The following PCDHGB2 variants were observed in gnomAD, a reference collection of about 807,000 sequenced individuals.
PCDHGB2 encodes protocadherin gamma-B2.
PCDHGB2 carries 55 observed loss-of-function variants against 59.3 expected under a neutral mutation model. The ratio of observed to expected loss-of-function variants is 0.93; its 90% CI spans 0.75 to 1.16. The LOEUF is 1.16. Among genes scored for constraint, PCDHGB2 ranks in the 50% most tolerant of loss-of-function variants. The probability of loss-of-function intolerance (pLI) is 0.00; values close to 1 mark genes in which losing one functional copy is unlikely to be tolerated. For missense variants in PCDHGB2, 1,228 were observed against 1,198.5 expected (o/e 1.02, Z -0.36); for synonymous variants, 516 against 512.0 (o/e 1.01, Z -0.11).
intron 3 of PCDHGB2, among the ~76,000 whole-genome samples, chr5:141,509,262 ACT>A (rs761383166): frequency 9.2e-5 from 14 of 151,714 alleles, no homozygotes; most frequent in Non-Finnish European, 1.9e-4. Flanking sequence ...GGCTTTAGTC[ACT>A]CTCGCTACCC....
chr5:141,383,316 T>C (rs1779018146), intron 1 of PCDHGB2: 3 of 1,613,880 alleles, frequency 1.9e-6, no homozygotes, highest in Non-Finnish European at 1.7e-6. Context: ...AAGAAATAAA[T>C]GTAAAAATAA....
chr5:141,478,396 G>T (rs150499152), intron 1 of PCDHGB2: 2 of 1,613,446 alleles, frequency 1.2e-6, no homozygotes, highest in African/African-American at 2.7e-5. Flanking sequence ...ACCATCAGGT[G>T]TATCTCACCA....
chr5:141,394,592 G>C (rs754585576), intron 1 of PCDHGB2: 84 of 1,613,642 alleles, frequency 5.2e-5, no homozygotes, highest in South Asian at 3.7e-4. Context: ...AGGTGGTGGC[G>C]GTGGACAGAG....
Position 141,493,689 on chromosome 5 carries a change from C to A in PCDHGB2, c.2422-1118C>A, listed in dbSNP as rs2099749557. The stretch of plus-strand genomic sequence containing the variant: ...GGCAGCCCCAGAATGGTGCTGGTGA[C>A]TCCCGATACACCTGGAATGCTAGGT... On this transcript the variant is annotated intron_variant, in intron 1 of 3. Transcript: ENST00000522605. The surrounding 1 kb of genome is among the most constrained non-coding windows in gnomAD (Gnocchi z 4.3). Among the ~76,000 whole-genome samples the A allele has an allele frequency of 6.6e-6, 1 of 152,218 alleles. No homozygotes were observed. The highest frequency in any genetic ancestry group is 2.4e-5 in the African/African-American group (1 of 41,450).
chr5:141,409,442 C>T, intron 1 of PCDHGB2: 2 of 1,613,998 alleles, frequency 1.2e-6, no homozygotes, highest in Non-Finnish European at 1.7e-6. Flanking sequence ...GGACCGAGAG[C>T]AGACACCAGA....
At position 141,408,301 on chromosome 5, in the gene PCDHGB2, C is replaced by T. The variant is rs1472435921; in HGVS notation, c.2421+45745C>T. 3.1e-6 allele frequency: 5 copies of T among 1,613,756 alleles called. No individual in the cohort carries two copies. In the Admixed American group the frequency reaches 8.3e-5, roughly 27 times the overall value. ...TCTACCCCACCCTGAGTGAGCCGAT[C>T]CGCTACTCGATTCCGGAGGAGCTGG... On this transcript the variant is annotated intron_variant, in intron 1 of 3. Transcript: ENST00000522605.
At chr5:141,395,179 A>G in intron 1 of PCDHGB2, 1 of 1,614,164 alleles carries the variant, frequency 6.2e-7, no homozygotes, top group Non-Finnish European at 8.5e-7. Flanking sequence ...GAGAAAAATG[A>G]TTCTTTGTTA....
chr5:141,487,013 C>T lies in PCDHGB2; in HGVS notation c.2422-7794C>T. ...GGTTTCCTATCAGCTCCTGGAGGCC[C>T]CAGATCCCAGCCTGTTTGCAGTCTC... On this transcript the variant is annotated intron_variant, in intron 1 of 3. Coordinates refer to ENST00000522605, the MANE Select transcript of PCDHGB2 (RefSeq NM_018923.3). The surrounding 1 kb of genome is among the most constrained non-coding windows in gnomAD (Gnocchi z 5.0). The T allele has an allele frequency of 1.2e-6, 2 of 1,614,220 alleles. No individual in the cohort carries two copies. Among genetic ancestry groups the T allele is most frequent in the Non-Finnish European group, 1.7e-6 (2 of 1,180,040 alleles).
chr5:141,457,416 C>T (rs1378171092), intron 1 of PCDHGB2, among the ~76,000 whole-genome samples: 1 of 152,172 alleles, frequency 6.6e-6, no homozygotes, highest in Non-Finnish European at 1.5e-5. Flanking sequence ...ATTACCCATC[C>T]CTTTTTCCCC....
chr5:141,423,210 C>A (rs954945082), intron 1 of PCDHGB2: 2 of 1,613,578 alleles, frequency 1.2e-6, no homozygotes, highest in East Asian at 4.5e-5. Flanking sequence ...CCGTCACGCT[C>A]ACCGTGGCTG....
chr5:141,371,646 T>C, intron 1 of PCDHGB2: 3 of 1,614,026 alleles, frequency 1.9e-6, no homozygotes, highest in Non-Finnish European at 2.5e-6. Flanking sequence ...GATCCCAGAA[T>C]ACAATGTGAC....
Position 141,361,582 on chromosome 5 carries a change from C to T in PCDHGB2, c.1447C>T (p.Pro483Ser), listed in dbSNP as rs746722919. 3.1e-6 allele frequency: 5 copies of T among 1,614,022 alleles called. No homozygotes were observed. The highest frequency in any genetic ancestry group is 8.5e-7 in the Non-Finnish European group (1 of 1,179,898). The change falls in exon 1 of 4, where the codon CCC becomes TCC. Residue 483 changes from proline to serine, a missense_variant. Transcript: ENST00000522605. ...CAGTGCCTCTGACCCTGACTTGGGC[C>T]CCAGTGGCCAAGTTTCCTACTCCAT... ...QISASDPDLG[P>S]SGQVSYSIVA...
Position 141,470,128 on chromosome 5 carries a change from CA to C in PCDHGB2, c.2422-24670del, listed in dbSNP as rs200356364. Among the ~76,000 whole-genome samples, 62 of 150,148 alleles carry C rather than the reference CA, an allele frequency of 4.1e-4. 1 individual carries two copies. Among genetic ancestry groups the C allele is most frequent in the Middle Eastern group, 3.4e-3 (1 of 294 alleles). On this transcript the variant is annotated intron_variant, in intron 1 of 3. Coordinates refer to ENST00000522605, the MANE Select transcript of PCDHGB2 (RefSeq NM_018923.3). ...TGAGCAACAGAGCAAGACTTCGTCTCAAAAAAAAAGATCATAGATCATCTTA... is the reference window on the plus strand; with the variant it reads ...TGAGCAACAGAGCAAGACTTCGTCTCAAAAAAAAGATCATAGATCATCTTA...
At chr5:141,387,637 G>A (rs1397986235) in intron 1 of PCDHGB2, 14 of 603,144 alleles carry the variant, frequency 2.3e-5, no homozygotes, top group Non-Finnish European at 3.7e-5. Context: ...GGGCGCCGCT[G>A]TTGGCCAAAG....
intron 1 of PCDHGB2, chr5:141,400,251 C>T (rs2093990443): frequency 6.2e-7 from 1 of 1,614,014 alleles, no homozygotes; most frequent in Non-Finnish European, 8.5e-7. Flanking sequence ...TGGCCGTTGC[C>T]TTGCGCCTGC....
chr5:141,480,065 A>G (rs2099511928), intron 1 of PCDHGB2, among the ~76,000 whole-genome samples: 1 of 152,220 alleles, frequency 6.6e-6, no homozygotes, highest in Non-Finnish European at 1.5e-5. Flanking sequence ...TAAGTGTTTT[A>G]TAAGATTCAT....
At chr5:141,502,480 AC>A (rs145333712) in intron 2 of PCDHGB2, among the ~76,000 whole-genome samples, 7,822 of 152,242 alleles carry the variant, frequency 0.051, 439 homozygotes, top group African/African-American at 0.14. Flanking sequence ...GCAGCATCAC[AC>A]TGGGACTCAT....
chr5:141,392,735 C>G, intron 1 of PCDHGB2: 1 of 1,428,540 alleles, frequency 7.0e-7, no homozygotes, highest in South Asian at 1.5e-5. Context: ...ATTGTCATCT[C>G]CATAGCTGCG....
At chr5:141,404,601 T>G (rs2094545274) in intron 1 of PCDHGB2, 2 of 1,614,056 alleles carry the variant, frequency 1.2e-6, no homozygotes, top group Admixed American at 1.7e-5. Context: ...TCATTGAGAC[T>G]GTTTGTTTTG....
Sources: allele counts gnomAD v4.1 joint callset (sites outside exome capture counted in the v4.1 genomes callset), GRCh38; gene constraint gnomAD v4.1.1; non-coding constraint Gnocchi (gnomAD v3.1); transcripts MANE v1.5; gene names NCBI Gene and HGNC (gene_info 2026-07-23, HGNC 2026-07-21).